The following ADARB2 variants were observed in gnomAD, a reference collection of about 807,000 sequenced individuals.
The protein encoded by ADARB2 is adenosine deaminase RNA specific B2 (inactive), also known as inactive double-stranded RNA-specific editase B2.
A neutral mutation model predicts 62.2 loss-of-function variants in ADARB2; 25 were observed. The observed-to-expected ratio is 0.40, with a 90% CI of 0.29 to 0.56. The LOEUF is 0.56. Among genes scored for constraint, ADARB2 ranks in the 20% least tolerant of loss-of-function variants. The pLI, the probability that ADARB2 is intolerant of heterozygous loss-of-function variation, is 0.43. For missense variants in ADARB2, 1,071 were observed against 1,077.4 expected (o/e 0.99, Z 0.08); for synonymous variants, 572 against 500.8 (o/e 1.14, Z -1.90).
At chr10:1,230,905 C>T (rs1241847570) in intron 6 of ADARB2, among the ~76,000 whole-genome samples, 2 of 152,220 alleles carry the variant, frequency 1.3e-5, no homozygotes, top group Non-Finnish European at 1.5e-5. Context: ...CTACCAGCAC[C>T]TGCCACTTCT....
intron 7 of ADARB2, among the ~76,000 whole-genome samples, chr10:1,203,742 G>C (rs2131744241): frequency 6.6e-6 from 1 of 152,276 alleles, no homozygotes; most frequent in East Asian, 1.9e-4. Context: ...ACACAGTCAG[G>C]TACCAGTTAG....
chr10:1,611,036 T>C (rs1399740792), intron 1 of ADARB2, among the ~76,000 whole-genome samples: 1 of 152,196 alleles, frequency 6.6e-6, no homozygotes, highest in Admixed American at 6.5e-5. Flanking sequence ...GACATCAACG[T>C]TACAAGCCTT....
In ADARB2 at chr10:1,274,152, G is replaced by A. The variant is rs868805210; in HGVS notation, c.1078-3083C>T. 3.9e-5 allele frequency among the ~76,000 whole-genome samples: 6 copies of A among 152,354 alleles called. No homozygotes were observed. The South Asian group carries it at 6.2e-4, about 16-fold the overall frequency. Reference sequence around the variant, plus strand: ...ATGCAGACTGCTCTCCCGCCGGTCCGCCCCACGGCACATGGGCAGGCGAGG... The same window carrying A: ...ATGCAGACTGCTCTCCCGCCGGTCCACCCCACGGCACATGGGCAGGCGAGG... On this transcript the variant is annotated intron_variant, in intron 3 of 9. Coordinates refer to ENST00000381312, the MANE Select transcript of ADARB2 (RefSeq NM_018702.4).
chr10:1,558,828 G>A (rs1409996891), intron 1 of ADARB2, among the ~76,000 whole-genome samples: 6 of 152,258 alleles, frequency 3.9e-5, no homozygotes, highest in Non-Finnish European at 7.3e-5. Context: ...GCCCCTCCAT[G>A]GGTGCTCAGC....
At position 1,213,233 on chromosome 10, in the gene ADARB2, A is replaced by G. The variant is rs555536501; in HGVS notation, c.1682+3718T>C. On this transcript the variant is annotated intron_variant, in intron 7 of 9. Coordinates refer to ENST00000381312, the MANE Select transcript of ADARB2 (RefSeq NM_018702.4). ...GAGATGGGCACACAGAGAAAGAGAC[A>G]GAGAGACAAGGACAGAGATGGAGAC... Among the ~76,000 whole-genome samples, 5 of 151,854 alleles carry G rather than the reference A, an allele frequency of 3.3e-5. No homozygotes were observed. In the South Asian group the frequency reaches 8.3e-4, roughly 25 times the overall value.
chr10:1,324,118 C>T (rs1023632024), intron 3 of ADARB2, among the ~76,000 whole-genome samples: 1 of 152,182 alleles, frequency 6.6e-6, no homozygotes, highest in Non-Finnish European at 1.5e-5. Flanking sequence ...GAAGACGATA[C>T]ATGGATATAT....
chr10:1,454,665 G>C (rs981509599), intron 1 of ADARB2, among the ~76,000 whole-genome samples: 1 of 151,660 alleles, frequency 6.6e-6, no homozygotes, highest in African/African-American at 2.4e-5. Flanking sequence ...GTGGTTGCTG[G>C]GGCCGGGGAG....
At chr10:1,588,135 C>G (rs1036392575) in intron 1 of ADARB2, among the ~76,000 whole-genome samples, 1 of 152,190 alleles carries the variant, frequency 6.6e-6, no homozygotes, top group African/African-American at 2.4e-5. Flanking sequence ...CACCCTGGCT[C>G]AAGGCTCACT....
intron 3 of ADARB2, among the ~76,000 whole-genome samples, chr10:1,272,127 C>T (rs1009513732): frequency 2.6e-5 from 4 of 152,222 alleles, no homozygotes; most frequent in African/African-American, 9.6e-5. Flanking sequence ...CTCCCCCAGT[C>T]ACCACAGGCA....
intron 4 of ADARB2, among the ~76,000 whole-genome samples, chr10:1,260,751 C>A (rs1831128592): frequency 7.4e-6 from 1 of 135,842 alleles, no homozygotes; most frequent in African/African-American, 2.7e-5. Flanking sequence ...AGATTCAATG[C>A]CATCCCCATC....
At chr10:1,712,863 C>T (rs1834968042) in intron 1 of ADARB2, among the ~76,000 whole-genome samples, 1 of 152,060 alleles carries the variant, frequency 6.6e-6, no homozygotes, top group African/African-American at 2.4e-5. Flanking sequence ...CCTGTCTTGG[C>T]CTCCCAAAGT....
chr10:1,670,163 C>T (rs1834366491), intron 1 of ADARB2, among the ~76,000 whole-genome samples: 1 of 152,200 alleles, frequency 6.6e-6, no homozygotes, highest in Non-Finnish European at 1.5e-5. Context: ...TATAATCCAG[C>T]CAATATCAAA....
intron 1 of ADARB2, among the ~76,000 whole-genome samples, chr10:1,667,462 A>G (rs1252895756): frequency 6.6e-6 from 1 of 152,236 alleles, no homozygotes; most frequent in African/African-American, 2.4e-5. Flanking sequence ...TAATGAGAAT[A>G]TTTTAATTTC....
intron 3 of ADARB2, among the ~76,000 whole-genome samples, chr10:1,313,281 C>A (rs986133441): frequency 3.9e-5 from 6 of 152,188 alleles, no homozygotes; most frequent in African/African-American, 1.4e-4. Context: ...GCCTGAACTT[C>A]TGAAAGATGC....
At chr10:1,289,572 C>A (rs115610091) in intron 3 of ADARB2, among the ~76,000 whole-genome samples, 1 of 152,248 alleles carries the variant, frequency 6.6e-6, no homozygotes, top group Non-Finnish European at 1.5e-5. Flanking sequence ...GTGCTCCTGA[C>A]GGGCAGACCC....
intron 1 of ADARB2, among the ~76,000 whole-genome samples, chr10:1,661,788 A>G (rs1442664962): frequency 2.0e-5 from 3 of 152,196 alleles, no homozygotes; most frequent in East Asian, 1.9e-4. Flanking sequence ...TCAGGCACTG[A>G]CTTTCACACA....
intron 6 of ADARB2, among the ~76,000 whole-genome samples, chr10:1,232,571 G>A (rs1260660303): frequency 1.3e-5 from 2 of 149,658 alleles, no homozygotes; most frequent in East Asian, 2.0e-4. Context: ...TGCTATGTGT[G>A]TGGTGTGTGG....
chr10:1,377,345 G>C (rs1832442518), intron 2 of ADARB2, among the ~76,000 whole-genome samples: 1 of 140,780 alleles, frequency 7.1e-6, no homozygotes, highest in South Asian at 2.4e-4. Context: ...GTGCTCCTGG[G>C]GTGTGTGTGT....
intron 7 of ADARB2, among the ~76,000 whole-genome samples, chr10:1,204,965 G>A (rs1259327618): frequency 2.0e-5 from 3 of 152,334 alleles, no homozygotes; most frequent in African/African-American, 7.2e-5. Flanking sequence ...CATCCACAGG[G>A]TGGGCCTGCA....
Sources: gnomAD v4.1 joint callset for allele counts (sites outside exome capture counted in the v4.1 genomes callset) on GRCh38, gnomAD v4.1.1 for gene constraint, MANE v1.5 for transcripts, NCBI Gene and HGNC (gene_info 2026-07-23, HGNC 2026-07-21) for gene names.